SDC2: variants seen among roughly 807,000 people sequenced by gnomAD.
The protein encoded by SDC2 is syndecan-2.
In SDC2, 13 loss-of-function variants were observed where a neutral mutation model predicts 22.2. That is an observed-to-expected ratio of 0.59 (90% CI 0.38 to 0.93). The LOEUF (loss-of-function observed/expected upper bound fraction) is 0.93. SDC2 is among the 40% of genes least tolerant of loss of function. SDC2 has a pLI of 0.00. For missense variants in SDC2, 235 were observed against 246.8 expected (o/e 0.95, Z 0.32); for synonymous variants, 94 against 92.8 (o/e 1.01, Z -0.07).
intron 1 of SDC2, among the ~76,000 whole-genome samples, chr8:96,518,550 A>G (rs1219966509): frequency 1.3e-4 from 19 of 151,944 alleles, no homozygotes; most frequent in African/African-American, 2.4e-5. Flanking sequence ...TAGTAGAGAC[A>G]GGTTTCACCA....
chr8:96,537,625 A>G (rs112885355), intron 1 of SDC2, among the ~76,000 whole-genome samples: 442 of 152,270 alleles, frequency 2.9e-3, no homozygotes, highest in Non-Finnish European at 4.0e-3. Flanking sequence ...AAAGAAATTA[A>G]TAATTTTTCT....
At chr8:96,496,247 G>A (rs527267689) in intron 1 of SDC2, among the ~76,000 whole-genome samples, 4 of 152,202 alleles carry the variant, frequency 2.6e-5, no homozygotes, top group African/African-American at 9.6e-5. Context: ...TTTTTTGGCC[G>A]AACTATATAC....
chr8:96,608,318 C>T lies in SDC2; in HGVS notation c.307-17C>T. ...TTTCCTTAAATCAATGTAATCTTTC[C>T]CTGTTTCCCATACCAGTCACCTGAA... On this transcript the variant is annotated splice_polypyrimidine_tract_variant and intron_variant, in intron 3 of 4. Coordinates refer to ENST00000302190, the MANE Select transcript of SDC2 (RefSeq NM_002998.4). The T allele has an allele frequency of 1.2e-6, 2 of 1,606,278 alleles. No individual in the cohort carries two copies. Among genetic ancestry groups the T allele is most frequent in the Non-Finnish European group, 1.7e-6 (2 of 1,176,928 alleles).
chr8:96,508,450 G>A (rs1387822944), intron 1 of SDC2, among the ~76,000 whole-genome samples: 2 of 151,600 alleles, frequency 1.3e-5, no homozygotes, highest in Non-Finnish European at 2.9e-5. Context: ...CAGAGATTGA[G>A]CCACTGCACT....
chr8:96,504,404 G>A (rs530353239), intron 1 of SDC2, among the ~76,000 whole-genome samples: 72 of 152,326 alleles, frequency 4.7e-4, no homozygotes, highest in Admixed American at 1.3e-3. Context: ...TTAAGAAAAT[G>A]CAAGAGATGG....
At position 96,576,375 on chromosome 8, in the gene SDC2, TTTTG is replaced by T. The variant is rs1427145153; in HGVS notation, c.61-17101_61-17098del. ...TTCAATAATTGGTAGTTTGTTTTTG[TTTTG>T]TTTTGTTTTTTTTTACCAGATTTGC... On this transcript the variant is annotated intron_variant, in intron 1 of 4. Transcript: ENST00000302190. Among the ~76,000 whole-genome samples, 12 of 19,372 alleles carry T rather than the reference TTTTG, an allele frequency of 6.2e-4. 1 individual carries two copies. The highest frequency in any genetic ancestry group is 1.2e-3 in the African/African-American group (12 of 10,036). 12.7% of individuals were successfully genotyped at this position (19,372 alleles called of 152,430 possible).
chr8:96,605,410 C>G (rs1282645671), intron 3 of SDC2, among the ~76,000 whole-genome samples: 1 of 152,172 alleles, frequency 6.6e-6, no homozygotes, highest in Non-Finnish European at 1.5e-5. Flanking sequence ...CATTCTCTGA[C>G]CTGTTGTCTG....
intron 1 of SDC2, among the ~76,000 whole-genome samples, chr8:96,561,453 GTATA>G (rs1814209144): frequency 6.6e-6 from 1 of 152,182 alleles, no homozygotes; most frequent in Non-Finnish European, 1.5e-5. Flanking sequence ...TAGAGCGCTT[GTATA>G]AACAAGCATT....
intron 2 of SDC2, among the ~76,000 whole-genome samples, chr8:96,598,387 T>G (rs2130644769): frequency 6.6e-6 from 1 of 152,292 alleles, no homozygotes; most frequent in Non-Finnish European, 1.5e-5. Flanking sequence ...TTTGGGAGGC[T>G]GAGGTAGGTG....
chr8:96,509,768 G>T (rs182222010), intron 1 of SDC2, among the ~76,000 whole-genome samples: 4 of 152,218 alleles, frequency 2.6e-5, no homozygotes, highest in African/African-American at 7.2e-5. Context: ...TATTCTTAAC[G>T]TATGCTTTCT....
At chr8:96,531,794 C>G (rs116821649) in intron 1 of SDC2, among the ~76,000 whole-genome samples, 134 of 152,300 alleles carry the variant, frequency 8.8e-4, no homozygotes, top group African/African-American at 3.2e-3. Context: ...TTCACTGATT[C>G]TAGTGTAATG....
At chr8:96,502,343 A>G (rs1813179140) in intron 1 of SDC2, among the ~76,000 whole-genome samples, 1 of 152,202 alleles carries the variant, frequency 6.6e-6, no homozygotes, top group South Asian at 2.1e-4. Context: ...GGGGATTATT[A>G]CAGTTCAAGG....
intron 1 of SDC2, among the ~76,000 whole-genome samples, chr8:96,526,128 G>A (rs1813574269): frequency 6.6e-6 from 1 of 152,138 alleles, no homozygotes; most frequent in South Asian, 2.1e-4. Flanking sequence ...TTAGCCTTGT[G>A]GTTCTTTTCC....
chr8:96,564,840 G>T (rs1256546720), intron 1 of SDC2, among the ~76,000 whole-genome samples: 1 of 151,970 alleles, frequency 6.6e-6, no homozygotes, highest in African/African-American at 2.4e-5. Flanking sequence ...CCTGCCCACC[G>T]TTTTGGGAGT....
In SDC2 at chr8:96,604,729, G is replaced by A. The variant is rs577064252; in HGVS notation, c.306+2201G>A. 4.6e-5 allele frequency among the ~76,000 whole-genome samples: 7 copies of A among 152,252 alleles called. No homozygotes were observed. In the East Asian group the frequency reaches 5.8e-4, roughly 13 times the overall value. On this transcript the variant is annotated intron_variant, in intron 3 of 4. Coordinates refer to ENST00000302190, the MANE Select transcript of SDC2 (RefSeq NM_002998.4). ...TGTTTGAGAAGAGCATCACTCATAA[G>A]CTTTTACTTCTGTTGCATTTCCATG...
At chr8:96,525,554 G>A (rs1813564152) in intron 1 of SDC2, among the ~76,000 whole-genome samples, 1 of 152,140 alleles carries the variant, frequency 6.6e-6, no homozygotes. Context: ...AATTCCTCCA[G>A]TGTTTGCCAT....
chr8:96,503,975 G>T (rs539169652), intron 1 of SDC2, among the ~76,000 whole-genome samples: 3 of 152,262 alleles, frequency 2.0e-5, no homozygotes, highest in African/African-American at 7.2e-5. Context: ...ATTGAATACA[G>T]CAGTTTATTA....
At chr8:96,503,491 T>C (rs1813196027) in intron 1 of SDC2, among the ~76,000 whole-genome samples, 1 of 152,172 alleles carries the variant, frequency 6.6e-6, no homozygotes, top group Non-Finnish European at 1.5e-5. Context: ...ATAATGTATA[T>C]ATACAAATCC....
At position 96,568,415 on chromosome 8, in the gene SDC2, T is replaced by G. The variant is rs187774651; in HGVS notation, c.61-25065T>G. 1.6e-3 allele frequency among the ~76,000 whole-genome samples: 251 copies of G among 152,380 alleles called. 4 individuals carry two copies. Among genetic ancestry groups the G allele is most frequent in the Admixed American group, 7.2e-3 (110 of 15,304 alleles). ...TCAGACATACCAATCGACTGTCAGT[T>G]GCTTACATGATTGTTTTAGTGTCTG... On this transcript the variant is annotated intron_variant, in intron 1 of 4. Coordinates refer to ENST00000302190, the MANE Select transcript of SDC2 (RefSeq NM_002998.4).
Sources: gnomAD v4.1 joint callset for allele counts (sites outside exome capture counted in the v4.1 genomes callset) on GRCh38, gnomAD v4.1.1 for gene constraint, MANE v1.5 for transcripts, NCBI Gene and HGNC (gene_info 2026-07-23, HGNC 2026-07-21) for gene names.